MACF1: variants seen among roughly 807,000 people sequenced by gnomAD.
The protein encoded by MACF1 is microtubule actin crosslinking factor 1.
MACF1 carries 193 observed loss-of-function variants against 854.8 expected under a neutral mutation model. The observed-to-expected ratio is 0.23, with a 90% CI of 0.20 to 0.25. MACF1 has a LOEUF of 0.25. MACF1 is among the 10% of genes least tolerant of loss of function. MACF1 has a pLI of 1.00. For missense variants in MACF1, 7,722 were observed against 8,929.1 expected (o/e 0.86, Z 5.45); for synonymous variants, 3,185 against 3,226.7 (o/e 0.99, Z 0.44).
chr1:39,233,160 G>A (rs527371375), intron 2 of MACF1, among the ~76,000 whole-genome samples: 5 of 151,966 alleles, frequency 3.3e-5, no homozygotes, highest in Admixed American at 1.3e-4. Context: ...TCAGCCTCCC[G>A]AGTAGCTGGG....
Position 39,334,969 on chromosome 1 carries a change from T to C in MACF1, c.8381T>C (p.Leu2794Ser). 1 of 1,614,172 alleles carries C rather than the reference T, an allele frequency of 6.2e-7. No individual in the cohort carries two copies. The highest frequency in any genetic ancestry group is 8.5e-7 in the Non-Finnish European group (1 of 1,179,998). ...AATGAATTTCTAGGAAAGGATATGT[T>C]AATTGCTTGTAATCAGACTGCTGAA... ...LQNEFLGKDMLIACNQTAEMS... is the reference protein window; with the variant it reads ...LQNEFLGKDMSIACNQTAEMS... Residue 2794 changes from leucine to serine, a missense_variant, in exon 37 of 101, where the codon TTA (leucine) becomes TCA (serine). Coordinates refer to ENST00000564288, the MANE Select transcript of MACF1 (RefSeq NM_001394062.1).
chr1:39,084,292 C>G lies in MACF1; in HGVS notation c.74C>G (p.Ser25Cys). Residue 25 changes from serine (S) to cysteine (C), a missense_variant, in exon 2 of 94, where the codon TCT (serine) becomes TGT (cysteine). Coordinates refer to the MACF1 transcript ENST00000361689. This position sits in a 1 kb window ranked among gnomAD's most constrained non-coding sequence, Gnocchi z 5.2. ...GAGCGGTCTTGTCGGAGTGAGCGAT[C>G]TTACAGGAGCGAGCGGTCGGGGAGC... 1 of 1,614,040 alleles carries G rather than the reference C, an allele frequency of 6.2e-7. No homozygotes were observed. Among genetic ancestry groups the G allele is most frequent in the East Asian group, 2.2e-5 (1 of 44,880 alleles).
Position 39,317,196 on chromosome 1 carries a change from G to A in MACF1, c.3589-18G>A, listed in dbSNP as rs1161627864. 6.2e-7 allele frequency: 1 copy of A among 1,610,952 alleles called. No individual in the cohort carries two copies. The highest frequency in any genetic ancestry group is 1.3e-5 in the African/African-American group (1 of 74,844). ...CATGGAAAGTATACAACCTGTTTCT[G>A]TACTTATGTTTCCACAGCACTGGCT... On this transcript the variant is annotated intron_variant, in intron 28 of 100. Transcript: ENST00000564288.
At chr1:39,227,850 T>C (rs1428816199) in intron 1 of MACF1, among the ~76,000 whole-genome samples, 2 of 152,220 alleles carry the variant, frequency 1.3e-5, no homozygotes, top group African/African-American at 4.8e-5. Flanking sequence ...TTCCCTTCTC[T>C]TTCTGGCTTA....
intron 97 of MACF1, among the ~76,000 whole-genome samples, chr1:39,470,323 T>A (rs1644752133): frequency 6.6e-6 from 1 of 152,152 alleles, no homozygotes. Flanking sequence ...GAGTAAAAAT[T>A]CAGCAGTAAT....
rs1049306882 is a variant in MACF1, at chr1:39,487,035, G to A, written c.*1241G>A. The A allele has an allele frequency of 3.3e-5, 5 of 152,430 alleles. No homozygotes were observed. Among genetic ancestry groups the A allele is most frequent in the Non-Finnish European group, 7.3e-5 (5 of 68,036 alleles). 9.4% of individuals were successfully genotyped at this position (152,430 alleles called of 1,614,324 possible). A position where few individuals can be genotyped will look rare whatever the true frequency, so the allele number is the denominator to read the frequency against. ...TTCAACTATTACCTTATCTATAAAT[G>A]TTACCCTGGGGTATAATCATGTTGT... On this transcript the variant is annotated 3_prime_UTR_variant, in exon 101 of 101. Coordinates refer to ENST00000564288, the MANE Select transcript of MACF1 (RefSeq NM_001394062.1).
At chr1:39,100,850 T>C (rs533790267) in intron 2 of MACF1, among the ~76,000 whole-genome samples, 1 of 151,972 alleles carries the variant, frequency 6.6e-6, no homozygotes, top group African/African-American at 2.4e-5. Flanking sequence ...TGAGACTCCG[T>C]TGCAAATAAA....
At chr1:39,148,760 T>C (rs932384691) in intron 2 of MACF1, among the ~76,000 whole-genome samples, 2 of 152,212 alleles carry the variant, frequency 1.3e-5, no homozygotes, top group Admixed American at 6.5e-5. Flanking sequence ...TATACTTACA[T>C]GTATATATTT....
chr1:39,123,937 AGGCTGGTCTCAAACT>A (rs1642794127), intron 2 of MACF1, among the ~76,000 whole-genome samples: 2 of 151,814 alleles, frequency 1.3e-5, no homozygotes, highest in South Asian at 2.1e-4. Context: ...TGTGTTGGCC[AGGCTGGTCTCAAACT>A]GGCTGGTCTC....
intron 84 of MACF1, 51 bp from the exon 85 acceptor site, chr1:39,451,001 C>T: frequency 6.3e-7 from 1 of 1,586,602 alleles, no homozygotes; most frequent in Non-Finnish European, 8.6e-7. Flanking sequence ...AATTGTGGGC[C>T]ATTTGTAAAA....
chr1:39,105,851 T>A lies in MACF1; in HGVS notation c.220+21413T>A. The A allele has an allele frequency of 2.9e-6, 2 of 688,658 alleles. No individual in the cohort carries two copies. The highest frequency in any genetic ancestry group is 3.6e-6 in the Non-Finnish European group (2 of 558,642). 42.7% of individuals were successfully genotyped at this position (688,658 alleles called of 1,614,324 possible). A position where few individuals can be genotyped will look rare whatever the true frequency, so the allele number is the denominator to read the frequency against. ...CACCGCGCGGGGCTTGGCCCTGAGC[T>A]GCTGCTTCTCGGGGCCAGTTTATTT... On this transcript the variant is annotated intron_variant, in intron 2 of 93. Coordinates refer to the MACF1 transcript ENST00000361689. This position sits in a 1 kb window ranked among gnomAD's most constrained non-coding sequence, Gnocchi z 5.9.
intron 54 of MACF1, 99 bp downstream of exon 54, chr1:39,379,543 C>A: frequency 7.3e-7 from 1 of 1,367,062 alleles, no homozygotes; most frequent in Non-Finnish European, 1.0e-6. Context: ...GAGACATGGG[C>A]AACAATCTAG....
chr1:39,384,316 C>T (rs1007125429), intron 56 of MACF1, among the ~76,000 whole-genome samples: 6 of 152,128 alleles, frequency 3.9e-5, no homozygotes, highest in African/African-American at 1.4e-4. Context: ...TATTATAGTT[C>T]ATTGTTTACA....
rs1351053764 is a variant in MACF1 at position 39,429,890 on chromosome 1, C to T, written c.16952C>T (p.Thr5651Ile). The change falls in exon 65 of 101, where the codon ACA becomes ATA. Residue 5651 changes from threonine (T) to isoleucine (I), a missense_variant. Coordinates refer to ENST00000564288, the MANE Select transcript of MACF1 (RefSeq NM_001394062.1). ...DGIKTRYADITVTSSKALRTL... is the reference protein window; with the variant it reads ...DGIKTRYADIIVTSSKALRTL... ...ATAAAGACTCGTTACGCAGACATCA[C>T]AGTTACTAGCTCCAAGGCCCTCAGA... 6.2e-7 allele frequency: 1 copy of T among 1,614,092 alleles called. No homozygotes were observed. The highest frequency in any genetic ancestry group is 1.7e-5 in the Admixed American group (1 of 60,010).
chr1:39,107,176 A>C (rs1642266167), intron 2 of MACF1, among the ~76,000 whole-genome samples: 1 of 152,122 alleles, frequency 6.6e-6, no homozygotes, highest in Non-Finnish European at 1.5e-5. Context: ...AAACCAGCAG[A>C]ATTAAGACCC....
chr1:39,103,866 G>A lies in MACF1; in HGVS notation c.220+19428G>A, dbSNP rs143684808. The A allele has an allele frequency of 1.7e-3, 253 of 152,386 alleles. 2 individuals carry two copies. Among genetic ancestry groups the A allele is most frequent in the African/African-American group, 5.7e-3 (239 of 41,582 alleles). 9.4% of individuals were successfully genotyped at this position (152,386 alleles called of 1,614,324 possible). On this transcript the variant is annotated intron_variant, in intron 2 of 93. Coordinates refer to the MACF1 transcript ENST00000361689. ...TGCTCACCTGATTTCTGATCAGGGT[G>A]TGGTGTGGAAACAACCAGCATGCAC...
At chr1:39,248,001 A>T (rs531222601) in intron 2 of MACF1, among the ~76,000 whole-genome samples, 2 of 152,360 alleles carry the variant, frequency 1.3e-5, no homozygotes, top group East Asian at 3.9e-4. Flanking sequence ...CAGCCTAGTG[A>T]CAGAGCAAGA....
At chr1:39,456,595 G>A (rs1416642773) in intron 89 of MACF1, 1 of 152,238 alleles carries the variant, frequency 6.6e-6, no homozygotes, top group Non-Finnish European at 1.5e-5. Flanking sequence ...CCTGTGGGAT[G>A]TACCTCCTCT....
intron 2 of MACF1, among the ~76,000 whole-genome samples, chr1:39,195,420 GT>G (rs1644307835): frequency 6.6e-6 from 1 of 152,132 alleles, no homozygotes; most frequent in Non-Finnish European, 1.5e-5. Flanking sequence ...TAGTTATTTA[GT>G]GACTAAGATT....
Sources: allele counts gnomAD v4.1 joint callset (sites outside exome capture counted in the v4.1 genomes callset), GRCh38; gene constraint gnomAD v4.1.1; non-coding constraint Gnocchi (gnomAD v3.1); transcripts MANE v1.5; gene names NCBI Gene and HGNC (gene_info 2026-07-23, HGNC 2026-07-21).